GSTM5: variants seen among roughly 807,000 people sequenced by gnomAD.
GSTM5 encodes the protein GST class-mu 5.
GSTM5 carries 24 observed loss-of-function variants against 29.0 expected under a neutral mutation model. That is an observed-to-expected ratio of 0.83 (90% CI 0.60 to 1.16). The LOEUF (loss-of-function observed/expected upper bound fraction) is 1.16, where lower values mean the gene tolerates loss of function less well. Among genes scored for constraint, GSTM5 ranks in the 50% most tolerant of loss-of-function variants. The pLI is 0.00. For missense variants in GSTM5, 290 were observed against 263.0 expected (o/e 1.10, Z -0.71); for synonymous variants, 91 against 93.6 (o/e 0.97, Z 0.16).
Position 109,712,688 on chromosome 1 carries a change from G to C in GSTM5, c.107G>C (p.Gly36Ala). The C allele has an allele frequency of 6.2e-7, 1 of 1,614,162 alleles. No individual in the cohort carries two copies. The highest frequency in any genetic ancestry group is 8.5e-7 in the Non-Finnish European group (1 of 1,180,002). The part of the protein sequence containing the change: ...SSYVEKKYTL[G>A]DAPDYDRSQW... ...TATGTGGAAAAGAAGTACACGCTGG[G>C]GGACGGTAATGGCACCCTCGTGTCC... is the stretch of plus-strand genomic sequence containing the variant. The change falls in exon 2 of 8, where the codon GGG (glycine) becomes GCG (alanine). Residue 36 changes from glycine (G) to alanine (A), a missense_variant. Gly to Ala is a moderately conservative substitution (Grantham distance 60). Transcript: ENST00000256593.
chr1:109,712,506 A>C, intron 1 of GSTM5, 112 bp from the exon 2 acceptor site: 1 of 1,347,934 alleles, frequency 7.4e-7, no homozygotes, highest in Non-Finnish European at 1.1e-6. Flanking sequence ...GGGGGCGGGT[A>C]GAGGAGGCGA....
Position 109,717,560 on chromosome 1 carries a change from T to G in GSTM5, c.*134T>G. The G allele has an allele frequency of 1.6e-6, 1 of 645,088 alleles. No individual in the cohort carries two copies. The highest frequency in any genetic ancestry group is 2.8e-6 in the Non-Finnish European group (1 of 355,212). The allele number at this position is 645,088 out of a possible 1,614,324, so 40.0% of individuals were successfully genotyped here. A position where few individuals can be genotyped will look rare whatever the true frequency, so the allele number is the denominator to read the frequency against. On this transcript the variant is annotated 3_prime_UTR_variant, in exon 8 of 8. Transcript: ENST00000256593. ...CTCTCTTCTCTTCCCCAAGGCCTCA[T>G]TGGCTTCCTTTCTTCTAACATCATC...
chr1:109,713,413 T>G, intron 3 of GSTM5, 71 bp from the exon 4 acceptor site: 1 of 1,602,978 alleles, frequency 6.2e-7, no homozygotes, highest in Non-Finnish European at 8.5e-7. Context: ...CTCTCTGCCC[T>G]TGCATATGGG....
rs942092355 is a variant in GSTM5, at chr1:109,715,511, G to A, written c.567+271G>A. Reference sequence around the variant, plus strand: ...CTTTGCTCAGGGTCCCAGAGCCAGTGGAGGCTGTGCTGGGCTCCCTGTGAG... The same window carrying A: ...CTTTGCTCAGGGTCCCAGAGCCAGTAGAGGCTGTGCTGGGCTCCCTGTGAG... On this transcript the variant is annotated intron_variant, in intron 7 of 7. Transcript: ENST00000256593. The A allele has an allele frequency of 5.4e-5, 79 of 1,467,258 alleles. No individual in the cohort carries two copies. The African/African-American group carries it at 1.1e-3, about 20-fold the overall frequency. The allele number at this position is 1,467,258 out of a possible 1,614,324, so 90.9% of individuals were successfully genotyped here. A position where few individuals can be genotyped will look rare whatever the true frequency, so the allele number is the denominator to read the frequency against.
At chr1:109,712,812 C>T in intron 2 of GSTM5, 119 bp downstream of exon 2, 1 of 1,174,614 alleles carries the variant, frequency 8.5e-7, no homozygotes, top group Non-Finnish European at 1.3e-6. Flanking sequence ...CAGGCTGTCC[C>T]TTCCCTGAGC....
chr1:109,713,173 A>G lies in GSTM5; in HGVS notation c.167A>G (p.Asp56Gly). Residue 56 changes from aspartate (D) to glycine (G), a missense_variant, in exon 3 of 8, where the codon GAC becomes GGC. Coordinates refer to ENST00000256593, the MANE Select transcript of GSTM5 (RefSeq NM_000851.4). ...AATGAAAAATTCAAGCTGGGCCTGG[A>G]CTTTCCCAATGTAGGTGCAGGGGAA... ...WLNEKFKLGLDFPNLPYLIDG... is the reference protein window; with the variant it reads ...WLNEKFKLGLGFPNLPYLIDG... 6.2e-7 allele frequency: 1 copy of G among 1,612,482 alleles called. No individual in the cohort carries two copies. Among genetic ancestry groups the G allele is most frequent in the Non-Finnish European group, 8.5e-7 (1 of 1,179,858 alleles).
intron 7 of GSTM5, chr1:109,715,887 CTTT>C: frequency 1.6e-6 from 1 of 631,412 alleles, no homozygotes; most frequent in South Asian, 1.5e-5. Flanking sequence ...CACTCTCCTT[CTTT>C]ATCTTTCTTC....
chr1:109,713,095 G>C (rs199617959), intron 2 of GSTM5, 24 bp from the exon 3 acceptor site: 7 of 1,612,162 alleles, frequency 4.3e-6, no homozygotes, highest in Non-Finnish European at 5.9e-6. Context: ...GGGGAGGTTT[G>C]TTTTCACTTC....
chr1:109,715,039 C>T lies in GSTM5; in HGVS notation c.453C>T (p.Asp151=), dbSNP rs1381969404. 1.7e-5 allele frequency: 28 copies of T among 1,614,090 alleles called. No individual in the cohort carries two copies. Among genetic ancestry groups the T allele is most frequent in the East Asian group, 1.1e-4 (5 of 44,898 alleles). Residue 151 remains aspartate, a synonymous_variant, in exon 6 of 8, where the codon GAC becomes GAT. Coordinates refer to ENST00000256593, the MANE Select transcript of GSTM5 (RefSeq NM_000851.4). The part of the protein sequence containing the change: ...FLGKRPWFAG[D]KITFVDFLAY... The stretch of plus-strand genomic sequence containing the variant: ...GGAAGCGGCCATGGTTTGCAGGAGA[C>T]AAGGTAAAGGAGGAGTGATATGGGG...
At chr1:109,716,107 C>G (rs1287320668) in intron 7 of GSTM5, 1 of 345,596 alleles carries the variant, frequency 2.9e-6, no homozygotes, top group African/African-American at 2.2e-5. Context: ...GTGGCACCAC[C>G]TGGGTACCGG....
At chr1:109,717,141 G>T in intron 7 of GSTM5, 196 bp from the exon 8 acceptor site, 1 of 383,440 alleles carries the variant, frequency 2.6e-6, no homozygotes, top group Non-Finnish European at 4.7e-6. Context: ...CTGTTATTAT[G>T]GTATAACATT....
upstream of GSTM5, chr1:109,712,204 GCC>G: frequency 8.4e-7 from 1 of 1,196,412 alleles, no homozygotes; most frequent in Non-Finnish European, 1.2e-6. Flanking sequence ...GTTGTGGCGG[GCC>G]GAGGGGCGGG....
chr1:109,713,651 T>C lies in GSTM5; in HGVS notation c.260-10T>C, dbSNP rs746853877. The stretch of plus-strand genomic sequence containing the variant: ...ATGCTGAGATTGAGTCTGTGTTTTG[T>C]GGGTGGCAGGTGGGGAGACAGAAGA... On this transcript the variant is annotated splice_polypyrimidine_tract_variant and intron_variant, in intron 4 of 7. Transcript: ENST00000256593. 6.8e-6 allele frequency: 11 copies of C among 1,614,160 alleles called. No homozygotes were observed. In the South Asian group the frequency reaches 1.2e-4, roughly 18 times the overall value.
upstream of GSTM5, chr1:109,712,200 G>C: frequency 8.9e-7 from 1 of 1,119,054 alleles, no homozygotes; most frequent in Non-Finnish European, 1.3e-6. Flanking sequence ...CGGGGTTGTG[G>C]CGGGCCGAGG....
intron 2 of GSTM5, 117 bp downstream of exon 2, chr1:109,712,810 C>A: frequency 8.2e-7 from 1 of 1,217,036 alleles, no homozygotes; most frequent in Non-Finnish European, 1.2e-6. Flanking sequence ...TGCAGGCTGT[C>A]CCTTCCCTGA....
chr1:109,713,513 G>C lies in GSTM5; in HGVS notation c.207G>C (p.Lys69Asn), dbSNP rs552293247. The C allele has an allele frequency of 9.3e-6, 15 of 1,614,120 alleles. No individual in the cohort carries two copies. Among genetic ancestry groups the C allele is most frequent in the African/African-American group, 1.3e-5 (1 of 74,938 alleles). The stretch of plus-strand genomic sequence containing the variant: ...CCTACTTGATTGATGGGGCTCACAA[G>C]ATCACCCAGAGCAATGCCATCCTGC... ...NLPYLIDGAH[K>N]ITQSNAILRY... The change falls in exon 4 of 8, where the codon AAG becomes AAC. Residue 69 changes from lysine (K) to asparagine (N), a missense_variant. Physicochemically the swap from Lys to Asn is moderately conservative, Grantham distance 94 (BLOSUM62 0). Transcript: ENST00000256593.
chr1:109,714,956 A>C lies in GSTM5; in HGVS notation c.370A>C (p.Lys124Gln), dbSNP rs765636678. ...LCYDPDFEKLKPKYLEELPEK... is the reference protein window; with the variant it reads ...LCYDPDFEKLQPKYLEELPEK... Reference sequence around the variant, plus strand: ...CTGTTTTCTGCCTCAGGAGAAACTGAAGCCAAAATACTTGGAGGAACTCCC... The same window carrying C: ...CTGTTTTCTGCCTCAGGAGAAACTGCAGCCAAAATACTTGGAGGAACTCCC... The change falls in exon 6 of 8, where the codon AAG (lysine) becomes CAG (glutamine). Residue 124 changes from lysine (K) to glutamine (Q), a missense_variant. Transcript: ENST00000256593. The C allele has an allele frequency of 2.0e-5, 33 of 1,614,256 alleles. No individual in the cohort carries two copies. The highest frequency in any genetic ancestry group is 2.8e-5 in the Non-Finnish European group (33 of 1,180,044).
chr1:109,717,423 A>T lies in GSTM5; in HGVS notation c.654A>T (p.Lys218Asn). 1 of 1,612,254 alleles carries T rather than the reference A, an allele frequency of 6.2e-7. No homozygotes were observed. The highest frequency in any genetic ancestry group is 8.5e-7 in the Non-Finnish European group (1 of 1,178,386). ...GAAAGTCAGCTACATGGAACAGCAA[A>T]TAGGGCCCAGTGATGCCAGAAGATG... The part of the protein sequence containing the change: ...LFGKSATWNS[K>N] The change falls in exon 8 of 8, where the codon AAA (lysine) becomes AAT (asparagine). Residue 218 changes from lysine (K) to asparagine (N), a missense_variant. By Grantham distance (94) the Lys-to-Asn change is moderately conservative (BLOSUM62 0). Transcript: ENST00000256593.
chr1:109,712,123 A>G, upstream of GSTM5: 1 of 653,020 alleles, frequency 1.5e-6, no homozygotes, highest in South Asian at 1.6e-5. Flanking sequence ...GGGGACTGGG[A>G]GGCGGGAGGG....
Sources: allele counts gnomAD v4.1 joint callset, GRCh38; gene constraint gnomAD v4.1.1; transcripts MANE v1.5; gene names NCBI Gene and HGNC (gene_info 2026-07-23, HGNC 2026-07-21).